The following DTNA variants were observed in gnomAD, a reference collection of about 807,000 sequenced individuals.
DTNA encodes dystrobrevin alpha.
Under a neutral mutation model 100.7 loss-of-function variants are expected in DTNA, and 43 were observed. The ratio of observed to expected loss-of-function variants is 0.43; its 90% CI spans 0.33 to 0.55. The LOEUF (loss-of-function observed/expected upper bound fraction) is 0.55. Ranked by LOEUF, DTNA falls within the 20% of genes least tolerant of loss-of-function variation. The pLI is 0.04. For missense variants in DTNA, 798 were observed against 953.9 expected (o/e 0.84, Z 2.15); for synonymous variants, 349 against 347.9 (o/e 1.00, Z -0.04).
intron 13 of DTNA, among the ~76,000 whole-genome samples, chr18:34,844,751 C>T (rs1254914657): frequency 6.6e-6 from 1 of 152,038 alleles, no homozygotes; most frequent in East Asian, 1.9e-4. Context: ...TGGTTGACTA[C>T]CCTAACTTAG....
chr18:34,649,342 T>G (rs2060192606), intron 1 of DTNA, among the ~76,000 whole-genome samples: 1 of 152,194 alleles, frequency 6.6e-6, no homozygotes, highest in African/African-American at 2.4e-5. Context: ...CGGCTGCTAT[T>G]GCACAAGTAA....
At chr18:34,841,761 C>T (rs1394932102) in intron 13 of DTNA, among the ~76,000 whole-genome samples, 1 of 152,144 alleles carries the variant, frequency 6.6e-6, no homozygotes, top group Non-Finnish European at 1.5e-5. Context: ...ATTTTCCACC[C>T]CATTCCTTGG....
Position 34,888,733 on chromosome 18 carries a change from C to T in DTNA, c.*999C>T. 3 of 985,846 alleles carry T rather than the reference C, an allele frequency of 3.0e-6. No individual in the cohort carries two copies. Among genetic ancestry groups the T allele is most frequent in the Non-Finnish European group, 3.6e-6 (3 of 829,946 alleles). 61.1% of individuals were successfully genotyped at this position (985,846 alleles called of 1,614,324 possible). ...TCTGCTCTTCCATGGTCTTGTTCCT[C>T]TCGTTTTGGCTTTAGGAAGCATGTC... On this transcript the variant is annotated 3_prime_UTR_variant, in exon 23 of 23. Coordinates refer to ENST00000444659, the MANE Select transcript of DTNA (RefSeq NM_001386795.1).
At chr18:34,818,095 G>A (rs2095635314) in intron 7 of DTNA, 69 bp from the exon 8 acceptor site, 2 of 1,612,224 alleles carry the variant, frequency 1.2e-6, no homozygotes, top group Non-Finnish European at 1.7e-6. Context: ...TTCCTGTAAG[G>A]CTGTATTTTT....
At chr18:34,627,116 C>A (rs770234374) in intron 1 of DTNA, among the ~76,000 whole-genome samples, 5 of 148,980 alleles carry the variant, frequency 3.4e-5, no homozygotes, top group Non-Finnish European at 7.4e-5. Context: ...TCTGCTTAAG[C>A]AAAAGTCTAT....
chr18:34,628,744 A>G (rs2057675241), intron 1 of DTNA, among the ~76,000 whole-genome samples: 1 of 152,196 alleles, frequency 6.6e-6, no homozygotes, highest in Admixed American at 6.5e-5. Context: ...TGGATTTCTT[A>G]CAAACTCTGT....
chr18:34,750,264 T>C (rs2092185240), intron 1 of DTNA, among the ~76,000 whole-genome samples: 1 of 152,218 alleles, frequency 6.6e-6, no homozygotes. Context: ...GGTGTGTTTC[T>C]ATGTGTCTGG....
chr18:34,505,667 A>C (rs879815579), intron 1 of DTNA, among the ~76,000 whole-genome samples: 1 of 151,722 alleles, frequency 6.6e-6, no homozygotes, highest in Non-Finnish European at 1.5e-5. Flanking sequence ...TTCAATTCTA[A>C]AATTTCTACT....
chr18:34,851,102 A>T (rs1215385513), intron 14 of DTNA, among the ~76,000 whole-genome samples: 2 of 152,106 alleles, frequency 1.3e-5, no homozygotes, highest in African/African-American at 4.8e-5. Context: ...CTATATTTTT[A>T]TTTATTTATT....
At chr18:34,494,479 T>G (rs966918615) in intron 1 of DTNA, among the ~76,000 whole-genome samples, 2 of 152,186 alleles carry the variant, frequency 1.3e-5, no homozygotes, top group Admixed American at 6.5e-5. Flanking sequence ...CGTTCTGGTA[T>G]CCGGAGTGGG....
At chr18:34,785,285 C>A (rs2094471984) in intron 3 of DTNA, among the ~76,000 whole-genome samples, 1 of 152,106 alleles carries the variant, frequency 6.6e-6, no homozygotes. Flanking sequence ...TTTATAACAT[C>A]ATTTCATCCA....
intron 5 of DTNA, among the ~76,000 whole-genome samples, chr18:34,809,562 T>G (rs1010819475): frequency 2.6e-5 from 4 of 152,206 alleles, no homozygotes; most frequent in Non-Finnish European, 5.9e-5. Context: ...GTTTCAGGCT[T>G]GAGGGTTTTG....
intron 1 of DTNA, among the ~76,000 whole-genome samples, chr18:34,556,325 A>G (rs941027239): frequency 6.6e-5 from 10 of 152,086 alleles, no homozygotes; most frequent in African/African-American, 1.4e-4. Flanking sequence ...TCTTTCTCCA[A>G]TTTGCCAGTC....
At chr18:34,535,489 TA>T (rs2043607866) in intron 1 of DTNA, among the ~76,000 whole-genome samples, 1 of 144,898 alleles carries the variant, frequency 6.9e-6, no homozygotes, top group Admixed American at 6.6e-5. Flanking sequence ...AGTAGCTCTT[TA>T]GTTTAATTAG....
chr18:34,642,507 T>TCC (rs2059389183), intron 1 of DTNA, among the ~76,000 whole-genome samples: 2 of 151,564 alleles, frequency 1.3e-5, no homozygotes, highest in African/African-American at 4.9e-5. Flanking sequence ...CTTCCTTCCT[T>TCC]TCTTTCTTTC....
At chr18:34,667,475 T>G (rs2076100514) in intron 1 of DTNA, among the ~76,000 whole-genome samples, 1 of 152,202 alleles carries the variant, frequency 6.6e-6, no homozygotes, top group Admixed American at 6.5e-5. Flanking sequence ...AAAGGAGTGG[T>G]GAGAGAGGGC....
At chr18:34,836,062 TG>T (rs1266651991) in intron 11 of DTNA, among the ~76,000 whole-genome samples, 1 of 152,070 alleles carries the variant, frequency 6.6e-6, no homozygotes, top group Non-Finnish European at 1.5e-5. Context: ...AAAAAAGAAT[TG>T]GGGGGATATT....
intron 11 of DTNA, 56 bp from the exon 12 acceptor site, chr18:34,838,038 T>G: frequency 6.6e-7 from 1 of 1,519,128 alleles, no homozygotes; most frequent in Non-Finnish European, 9.1e-7. Flanking sequence ...CAGTTTCTAT[T>G]CTTGAATGCA....
chr18:34,862,692 C>T (rs914076216), intron 16 of DTNA, among the ~76,000 whole-genome samples: 4 of 152,060 alleles, frequency 2.6e-5, no homozygotes, highest in Non-Finnish European at 1.5e-5. Flanking sequence ...ATCAGCTACT[C>T]ATGAGGCTGA....
Sources: gnomAD v4.1 joint callset for allele counts (sites outside exome capture counted in the v4.1 genomes callset) on GRCh38, gnomAD v4.1.1 for gene constraint, MANE v1.5 for transcripts, NCBI Gene and HGNC (gene_info 2026-07-23, HGNC 2026-07-21) for gene names.